WWOX: variants seen among roughly 807,000 people sequenced by gnomAD.
WWOX encodes WW domain containing oxidoreductase.
A neutral mutation model predicts 46.2 loss-of-function variants in WWOX; 69 were observed. The ratio of observed to expected loss-of-function variants is 1.49; its 90% CI spans 1.23 to 1.82. WWOX has a LOEUF of 1.82. Among genes scored for constraint, WWOX ranks in the 40% most tolerant of loss-of-function variants. The pLI, the probability that WWOX is intolerant of heterozygous loss-of-function variation, is 0.00. For synonymous variants in WWOX, 359 were observed against 202.6 expected (o/e 1.77, Z -6.56); for missense variants, 919 against 542.6 (o/e 1.69, Z -6.89).
Position 78,952,384 on chromosome 16 carries a change from GT to G in WWOX, c.1057-259209del, listed in dbSNP as rs11449740. ...ACATTTTTGTTTTTTTGTTTTTTGA[GT>G]TTTTTTTTTTTTTTGAGACAAAAGT... On this transcript the variant is annotated intron_variant, in intron 8 of 8. Coordinates refer to ENST00000566780, the MANE Select transcript of WWOX (RefSeq NM_016373.4). Among the ~76,000 whole-genome samples the G allele has an allele frequency of 1.8e-3, 252 of 141,816 alleles. 1 individual carries two copies. Among genetic ancestry groups the G allele is most frequent in the East Asian group, 0.011 (55 of 4,896 alleles). The allele number at this position is 141,816 out of a possible 152,430, so 93.0% of individuals were successfully genotyped here. A position where few individuals can be genotyped will look rare whatever the true frequency, so the allele number is the denominator to read the frequency against.
chr16:78,692,227 TA>T (rs1213472239), intron 8 of WWOX, among the ~76,000 whole-genome samples: 1 of 152,232 alleles, frequency 6.6e-6, no homozygotes, highest in African/African-American at 2.4e-5. Flanking sequence ...CCTAAGGTTT[TA>T]TTAATATCTA....
intron 8 of WWOX, among the ~76,000 whole-genome samples, chr16:78,886,111 G>A (rs1046084738): frequency 6.6e-6 from 1 of 151,768 alleles, no homozygotes; most frequent in Non-Finnish European, 1.5e-5. Flanking sequence ...ATTTAGTAGA[G>A]ACGGGGTGTC....
chr16:78,296,447 G>A (rs563912119), intron 5 of WWOX, among the ~76,000 whole-genome samples: 6 of 151,542 alleles, frequency 4.0e-5, no homozygotes, highest in African/African-American at 7.2e-5. Flanking sequence ...TTATATTGGC[G>A]CCTTCGATGA....
intron 8 of WWOX, among the ~76,000 whole-genome samples, chr16:79,179,431 C>T (rs1031085494): frequency 6.6e-6 from 1 of 152,206 alleles, no homozygotes; most frequent in African/African-American, 2.4e-5. Context: ...TAATGGAATC[C>T]TAACTAATGC....
At chr16:78,631,590 G>C (rs983857143) in intron 8 of WWOX, among the ~76,000 whole-genome samples, 1 of 144,694 alleles carries the variant, frequency 6.9e-6, no homozygotes, top group Admixed American at 7.5e-5. Flanking sequence ...CCAGGGTCTA[G>C]CACAGTGGCA....
At chr16:78,109,401 T>A (rs748453397) in intron 2 of WWOX, among the ~76,000 whole-genome samples, 7 of 152,130 alleles carry the variant, frequency 4.6e-5, no homozygotes, top group Middle Eastern at 3.4e-3. Context: ...TGAAAAAAAA[T>A]GGCCGTGCCC....
intron 8 of WWOX, among the ~76,000 whole-genome samples, chr16:78,713,597 G>A (rs1023228339): frequency 8.5e-5 from 13 of 152,076 alleles, no homozygotes; most frequent in Admixed American, 8.5e-4. Flanking sequence ...AGGAAATTTG[G>A]ATGCACAGAG....
chr16:79,026,229 G>T (rs1169387962), intron 8 of WWOX, among the ~76,000 whole-genome samples: 1 of 151,664 alleles, frequency 6.6e-6, no homozygotes, highest in East Asian at 1.9e-4. Flanking sequence ...CAGCCCTGTT[G>T]ACACTTCCCT....
chr16:79,174,453 A>G lies in WWOX; in HGVS notation c.1057-37155A>G, dbSNP rs199625977. On this transcript the variant is annotated intron_variant, in intron 8 of 8. Coordinates refer to ENST00000566780, the MANE Select transcript of WWOX (RefSeq NM_016373.4). The stretch of plus-strand genomic sequence containing the variant: ...CACCTGAGGTCAGGAGTTTGAGATT[A>G]GCTTGACCAACATAGTGAAACCCCG... Among the ~76,000 whole-genome samples the G allele has an allele frequency of 2.0e-5, 3 of 152,170 alleles. No individual in the cohort carries two copies. The East Asian group carries it at 5.8e-4, about 29-fold the overall frequency.
At chr16:78,422,318 TA>T (rs1567563016) in intron 6 of WWOX, among the ~76,000 whole-genome samples, 1 of 152,002 alleles carries the variant, frequency 6.6e-6, no homozygotes, top group Non-Finnish European at 1.5e-5. Context: ...GTTTGTTTTT[TA>T]AAAACTTGTA....
chr16:78,521,011 A>G (rs986235771), intron 8 of WWOX, among the ~76,000 whole-genome samples: 9 of 152,198 alleles, frequency 5.9e-5, no homozygotes, highest in Non-Finnish European at 1.2e-4. Flanking sequence ...TTGCAGGGTC[A>G]AGGAGATTGC....
chr16:78,852,405 G>A (rs543807079), intron 8 of WWOX, among the ~76,000 whole-genome samples: 5 of 152,184 alleles, frequency 3.3e-5, no homozygotes, highest in African/African-American at 4.8e-5. Context: ...ACACCATGTT[G>A]CGAGGATACT....
intron 8 of WWOX, among the ~76,000 whole-genome samples, chr16:78,790,413 G>T (rs188537621): frequency 1.3e-5 from 2 of 152,238 alleles, no homozygotes; most frequent in African/African-American, 4.8e-5. Context: ...GGGATTACAG[G>T]TGTGAGCCAC....
At chr16:78,842,567 A>G (rs983940021) in intron 8 of WWOX, among the ~76,000 whole-genome samples, 2 of 152,182 alleles carry the variant, frequency 1.3e-5, no homozygotes, top group East Asian at 3.9e-4. Flanking sequence ...AACAGTGTAC[A>G]TAGAATACAA....
chr16:79,169,521 G>T (rs559163129), intron 8 of WWOX, among the ~76,000 whole-genome samples: 1 of 152,180 alleles, frequency 6.6e-6, no homozygotes, highest in Non-Finnish European at 1.5e-5. Context: ...GCCACCTCCT[G>T]GCTGTCCTTT....
rs191856745 is a variant in WWOX, at chr16:79,199,421, C to G, written c.1057-12187C>G. Among the ~76,000 whole-genome samples, 8 of 152,230 alleles carry G rather than the reference C, an allele frequency of 5.3e-5. No homozygotes were observed. The East Asian group carries it at 5.8e-4, about 11-fold the overall frequency. ...AATTCCCCCTAAAGGATCTATCATG[C>G]GTAAGGTGGACCCTCACAGAAAGCG... On this transcript the variant is annotated intron_variant, in intron 8 of 8. Coordinates refer to ENST00000566780, the MANE Select transcript of WWOX (RefSeq NM_016373.4).
intron 5 of WWOX, among the ~76,000 whole-genome samples, chr16:78,352,123 C>A (rs2081198197): frequency 6.6e-6 from 1 of 152,180 alleles, no homozygotes; most frequent in Non-Finnish European, 1.5e-5. Flanking sequence ...TGCACCTCGG[C>A]CTATGCGATT....
At chr16:79,045,264 T>G (rs558471429) in intron 8 of WWOX, among the ~76,000 whole-genome samples, 1 of 152,328 alleles carries the variant, frequency 6.6e-6, no homozygotes, top group South Asian at 2.1e-4. Context: ...CAGAATTAAA[T>G]ATGCAGCCTC....
chr16:78,765,851 C>G (rs948468973), intron 8 of WWOX, among the ~76,000 whole-genome samples: 2 of 152,148 alleles, frequency 1.3e-5, no homozygotes, highest in Non-Finnish European at 2.9e-5. Context: ...CCTAAGGGAA[C>G]AGAGAGGACA....
Sources: allele counts gnomAD v4.1 joint callset (sites outside exome capture counted in the v4.1 genomes callset), GRCh38; gene constraint gnomAD v4.1.1; transcripts MANE v1.5; gene names NCBI Gene and HGNC (gene_info 2026-07-23, HGNC 2026-07-21).